Variants in RAD21 observed in about 807,000 individuals in gnomAD.
RAD21 encodes RAD21 cohesin complex component.
In RAD21, 18 loss-of-function variants were observed where a neutral mutation model predicts 71.5. The observed-to-expected ratio is 0.25, with a 90% confidence interval of 0.17 to 0.37. The LOEUF (loss-of-function observed/expected upper bound fraction) is 0.37. Among genes scored for constraint, RAD21 ranks in the 10% least tolerant of loss-of-function variants. RAD21 has a pLI of 1.00. For missense variants in RAD21, 493 were observed against 769.1 expected, an observed-to-expected ratio of 0.64 and a Z score of 4.25; for synonymous variants, 248 against 254.0, an observed-to-expected ratio of 0.98 and a Z score of 0.22.
Position 116,866,868 on chromosome 8 carries a change from A to AT in RAD21, c.-32-108_-32-107insA, listed in dbSNP as rs201734211. 6.9e-3 allele frequency: 4,470 copies of AT among 643,558 alleles called. 154 individuals carry two copies. In the African/African-American group the frequency reaches 0.072, roughly 10 times the overall value. The allele number at this position is 643,558 out of a possible 1,614,324, so 39.9% of individuals were successfully genotyped here. A position where few individuals can be genotyped will look rare whatever the true frequency, so the allele number is the denominator to read the frequency against. On this transcript the variant is annotated intron_variant, in intron 1 of 13. Coordinates refer to ENST00000297338, the MANE Select transcript of RAD21 (RefSeq NM_006265.3). ...CTTCTCTCTTTAATATGAAAACTAT[A>AT]AAATGCTTGAGTAAATGTTTAATAT...
At chr8:116,866,806 T>TA in intron 1 of RAD21, 45 bp from the exon 2 acceptor site, 1 of 1,332,838 alleles carries the variant, frequency 7.5e-7, no homozygotes, top group South Asian at 1.8e-5. Context: ...TCTGACAATT[T>TA]AAATACTTAT....
chr8:116,851,900 C>T, intron 11 of RAD21, 48 bp downstream of exon 11: 2 of 1,550,232 alleles, frequency 1.3e-6, no homozygotes, highest in African/African-American at 1.4e-5. Context: ...TTGCTACTGA[C>T]TGTATGAATA....
Position 116,858,329 on chromosome 8 carries a change from C to T in RAD21, c.481+23G>A, listed in dbSNP as rs538702677. ...CACAATATAACATTATAATTAATGG[C>T]TAATAATTTGTTTCTCTTTTACCAA... is the stretch of plus-strand genomic sequence containing the variant. On this transcript the variant is annotated intron_variant, in intron 5 of 13. Coordinates refer to ENST00000297338, the MANE Select transcript of RAD21 (RefSeq NM_006265.3). The T allele has an allele frequency of 6.6e-6, 10 of 1,517,514 alleles. No homozygotes were observed. In the East Asian group the frequency reaches 6.8e-5, roughly 10 times the overall value. The allele number at this position is 1,517,514 out of a possible 1,614,324, so 94.0% of individuals were successfully genotyped here. A position where few individuals can be genotyped will look rare whatever the true frequency, so the allele number is the denominator to read the frequency against.
intron 9 of RAD21, among the ~76,000 whole-genome samples, chr8:116,853,688 C>T (rs1339861315): frequency 1.4e-4 from 22 of 152,176 alleles, no homozygotes; most frequent in South Asian, 4.1e-4. Context: ...TCTAAATACA[C>T]GGTAAAATCA....
chr8:116,854,549 A>G (rs1812422858), intron 8 of RAD21, 81 bp from the exon 9 acceptor site: 3 of 1,041,648 alleles, frequency 2.9e-6, no homozygotes, highest in Non-Finnish European at 4.4e-6. Flanking sequence ...GACTGACTAT[A>G]TTCCCCTGCT....
intron 1 of RAD21, among the ~76,000 whole-genome samples, chr8:116,873,594 G>A (rs1438385241): frequency 2.7e-5 from 4 of 150,766 alleles, no homozygotes; most frequent in African/African-American, 9.7e-5. Flanking sequence ...AAAAGAAGCC[G>A]ATAAACACAA....
chr8:116,849,063 A>G, intron 12 of RAD21, 34 bp from the exon 13 acceptor site: 4 of 1,484,772 alleles, frequency 2.7e-6, no homozygotes, highest in African/African-American at 1.4e-5. Context: ...AGCTGACAAA[A>G]CAAGTCCAAT....
At chr8:116,853,850 AC>A (rs1399244638) in intron 9 of RAD21, among the ~76,000 whole-genome samples, 1 of 152,188 alleles carries the variant, frequency 6.6e-6, no homozygotes, top group Non-Finnish European at 1.5e-5. Flanking sequence ...AAACAAAAAA[AC>A]AAAACAACAA....
chr8:116,868,397 A>T (rs973108359), intron 1 of RAD21, among the ~76,000 whole-genome samples: 1 of 152,170 alleles, frequency 6.6e-6, no homozygotes. Context: ...ACATTCACCT[A>T]TAGAAGGACA....
At chr8:116,857,520 C>T (rs1812494781) in intron 5 of RAD21, 47 bp from the exon 6 acceptor site, 1 of 1,481,676 alleles carries the variant, frequency 6.7e-7, no homozygotes, top group African/African-American at 1.4e-5. Context: ...TTAGAAATAG[C>T]ACTGTGATAA....
At chr8:116,870,135 T>C (rs773151207) in intron 1 of RAD21, among the ~76,000 whole-genome samples, 1 of 152,150 alleles carries the variant, frequency 6.6e-6, no homozygotes, top group South Asian at 2.1e-4. Context: ...AAAGGATTAT[T>C]AATTCATACT....
chr8:116,869,716 C>T (rs1222623069), intron 1 of RAD21, among the ~76,000 whole-genome samples: 2 of 152,148 alleles, frequency 1.3e-5, no homozygotes, highest in African/African-American at 4.8e-5. Context: ...AACATTATCA[C>T]CACACACTTA....
At chr8:116,861,813 A>T (rs1812598442) in intron 4 of RAD21, 28 bp downstream of exon 4, 1 of 1,543,716 alleles carries the variant, frequency 6.5e-7, no homozygotes, top group Non-Finnish European at 8.9e-7. Context: ...GACCAAGTCA[A>T]CAATTTTTTT....
At chr8:116,861,812 A>C in intron 4 of RAD21, 29 bp downstream of exon 4, 1 of 1,541,378 alleles carries the variant, frequency 6.5e-7, no homozygotes, top group East Asian at 2.3e-5. Context: ...AGACCAAGTC[A>C]ACAATTTTTT....
At chr8:116,864,174 A>AT (rs1171365853) in intron 2 of RAD21, among the ~76,000 whole-genome samples, 2 of 152,104 alleles carry the variant, frequency 1.3e-5, no homozygotes, top group African/African-American at 4.8e-5. Flanking sequence ...GACTCCATCT[A>AT]AACACAAGTA....
chr8:116,847,213 T>C lies in RAD21; in HGVS notation c.*287A>G, dbSNP rs1018650889. On this transcript the variant is annotated 3_prime_UTR_variant, in exon 14 of 14. Coordinates refer to ENST00000297338, the MANE Select transcript of RAD21 (RefSeq NM_006265.3). Reference sequence around the variant, plus strand: ...ACTTTTGACTGCCACTCAACATTATTACATGCACCAATATTGCACACATCT... The same window carrying C: ...ACTTTTGACTGCCACTCAACATTATCACATGCACCAATATTGCACACATCT... The C allele has an allele frequency of 1.3e-5, 4 of 308,436 alleles. No individual in the cohort carries two copies. Among genetic ancestry groups the C allele is most frequent in the Non-Finnish European group, 2.4e-5 (4 of 168,474 alleles). The allele number at this position is 308,436 out of a possible 1,614,324, so 19.1% of individuals were successfully genotyped here. A position where few individuals can be genotyped will look rare whatever the true frequency, so the allele number is the denominator to read the frequency against.
intron 12 of RAD21, chr8:116,849,263 A>C (rs1459740774): frequency 1.4e-5 from 6 of 420,230 alleles, no homozygotes; most frequent in Admixed American, 4.3e-5. Flanking sequence ...TTTGGCTGAA[A>C]GTATGCTTCT....
At chr8:116,858,319 T>A (rs779375023) in intron 5 of RAD21, 33 bp downstream of exon 5, 5 of 1,491,148 alleles carry the variant, frequency 3.4e-6, no homozygotes, top group Middle Eastern at 1.8e-4. Flanking sequence ...TATAACATTA[T>A]AATTAATGGC....
Position 116,863,119 on chromosome 8 carries a change from T to C in RAD21, c.274+11A>G. 1 of 1,593,400 alleles carries C rather than the reference T, an allele frequency of 6.3e-7. No individual in the cohort carries two copies. Among genetic ancestry groups the C allele is most frequent in the South Asian group, 1.1e-5 (1 of 88,576 alleles). On this transcript the variant is annotated intron_variant, in intron 3 of 13. Transcript: ENST00000297338. ...ACAACAACAACAAAAACCAAACAAG[T>C]TTAACAATACCTGGCCGAAAAGCCA...
Sources: allele counts gnomAD v4.1 joint callset (sites outside exome capture counted in the v4.1 genomes callset), GRCh38; gene constraint gnomAD v4.1.1; transcripts MANE v1.5; gene names NCBI Gene and HGNC (gene_info 2026-07-23, HGNC 2026-07-21).